The following OGDHL variants were observed in gnomAD, a reference collection of about 807,000 sequenced individuals.
OGDHL encodes the protein 2-oxoglutarate dehydrogenase-like, mitochondrial.
In OGDHL, 79 loss-of-function variants were observed where a neutral mutation model predicts 109.6. The ratio of observed to expected loss-of-function variants is 0.72; its 90% confidence interval spans 0.60 to 0.87. The LOEUF is 0.87. OGDHL is among the 40% of genes least tolerant of loss of function. The probability of loss-of-function intolerance (pLI) is 0.00; values close to 1 mark genes in which losing one functional copy is unlikely to be tolerated. For missense variants in OGDHL, 1,275 were observed against 1,362.2 expected, an observed-to-expected ratio of 0.94 and a Z score of 1.01; for synonymous variants, 528 against 537.2, an observed-to-expected ratio of 0.98 and a Z score of 0.24.
chr10:49,758,042 T>G (rs532018849), intron 2 of OGDHL, among the ~76,000 whole-genome samples: 14 of 152,364 alleles, frequency 9.2e-5, no homozygotes, highest in African/African-American at 3.1e-4. Context: ...TTTTCTTTAC[T>G]ATCAGCAAGT....
In OGDHL at chr10:49,745,991, AG is replaced by A; in HGVS notation, c.1297-15del. 6.2e-7 allele frequency: 1 copy of A among 1,612,648 alleles called. No individual in the cohort carries two copies. The highest frequency in any genetic ancestry group is 8.5e-7 in the Non-Finnish European group (1 of 1,178,888). ...GGTGAATCCAATCTGCAGAGGCAGG[AG>A]AAACCTGCTGCGCCTCTCAATTTAC... On this transcript the variant is annotated splice_polypyrimidine_tract_variant and intron_variant, in intron 10 of 22. Transcript: ENST00000374103.
At chr10:49,742,483 C>CACACA (rs1841842524) in intron 15 of OGDHL, among the ~76,000 whole-genome samples, 1 of 14,202 alleles carries the variant, frequency 7.0e-5, no homozygotes, top group Non-Finnish European at 1.5e-4. Context: ...CTATACACTC[C>CACACA]CCCCACTCAC....
At chr10:49,743,861 G>A (rs1400313809) in intron 14 of OGDHL, 133 bp downstream of exon 14, 17 of 1,126,934 alleles carry the variant, frequency 1.5e-5, no homozygotes, top group African/African-American at 1.6e-5. Flanking sequence ...GGTGCCGAGA[G>A]CTACGTGGAC....
In OGDHL at chr10:49,745,870, C is replaced by T. The variant is rs1210660119; in HGVS notation, c.1404G>A (p.Glu468=). 2 of 1,614,194 alleles carry T rather than the reference C, an allele frequency of 1.2e-6. No homozygotes were observed. Among genetic ancestry groups the T allele is most frequent in the Non-Finnish European group, 1.7e-6 (2 of 1,180,044 alleles). The change falls in exon 11 of 23, where the codon GAG becomes GAA. Residue 468 remains glutamate (E), a synonymous_variant. Coordinates refer to ENST00000374103, the MANE Select transcript of OGDHL (RefSeq NM_018245.3). ...PIFHVNADDP[E]AVIYVCSVAA... Reference sequence around the variant, plus strand: ...CCACACTGCACACATATATCACAGCCTCTGGGTCATCGGCATTCACATGGA... The same window carrying T: ...CCACACTGCACACATATATCACAGCTTCTGGGTCATCGGCATTCACATGGA...
At chr10:49,741,289 C>T (rs745837) in intron 15 of OGDHL, among the ~76,000 whole-genome samples, 58,334 of 152,014 alleles carry the variant, frequency 0.38, 13,661 homozygotes, top group East Asian at 0.87. Context: ...CAGAAACCAC[C>T]GTGCAGTAGC....
intron 13 of OGDHL, 139 bp downstream of exon 13, chr10:49,744,511 C>A: frequency 1.5e-6 from 1 of 679,088 alleles, no homozygotes; most frequent in Non-Finnish European, 2.5e-6. Context: ...CCCCACGCAG[C>A]TTTGGGGACT....
chr10:49,742,363 C>CA (rs1841791484), intron 15 of OGDHL, among the ~76,000 whole-genome samples: 1 of 5,086 alleles, frequency 2.0e-4, no homozygotes, highest in Non-Finnish European at 5.1e-4. Context: ...ACACAACACA[C>CA]CACACACCCA....
At chr10:49,741,634 G>T (rs1362847693) in intron 15 of OGDHL, among the ~76,000 whole-genome samples, 1 of 150,696 alleles carries the variant, frequency 6.6e-6, no homozygotes, top group Non-Finnish European at 1.5e-5. Context: ...CTTAACAGCA[G>T]TACACACACA....
intron 15 of OGDHL, among the ~76,000 whole-genome samples, chr10:49,741,766 A>G (rs1212640111): frequency 6.9e-6 from 1 of 145,298 alleles, no homozygotes; most frequent in Non-Finnish European, 1.5e-5. Flanking sequence ...ACCAAACACC[A>G]CATACACACA....
chr10:49,758,932 C>A (rs1183077923), intron 1 of OGDHL, among the ~76,000 whole-genome samples: 1 of 151,876 alleles, frequency 6.6e-6, no homozygotes, highest in Non-Finnish European at 1.5e-5. Context: ...GGAGCACCCA[C>A]CTAGGTCCTG....
intron 8 of OGDHL, 107 bp from the exon 9 acceptor site, chr10:49,747,315 C>G (rs1263580466): frequency 1.5e-5 from 18 of 1,241,326 alleles, no homozygotes; most frequent in Non-Finnish European, 1.9e-5. Context: ...TTCCCCCGAT[C>G]CCACTGCCTC....
Position 49,756,572 on chromosome 10 carries a change from C to CA in OGDHL, c.375+203dup, listed in dbSNP as rs147624465. 2.1e-3 allele frequency: 1,004 copies of CA among 489,670 alleles called. 1 individual carries two copies. Among genetic ancestry groups the CA allele is most frequent in the African/African-American group, 5.3e-3 (274 of 51,772 alleles). The allele number at this position is 489,670 out of a possible 1,614,324, so 30.3% of individuals were successfully genotyped here. ...CCACAAGGACACAAGTCAGTATGCA[C>CA]AAAAAAAAATTCAAGCAGGTGGTAA... On this transcript the variant is annotated intron_variant, in intron 3 of 22. Coordinates refer to ENST00000374103, the MANE Select transcript of OGDHL (RefSeq NM_018245.3).
intron 3 of OGDHL, 149 bp from the exon 4 acceptor site, chr10:49,752,889 T>A: frequency 1.6e-6 from 1 of 612,474 alleles, no homozygotes; most frequent in Non-Finnish European, 2.9e-6. Flanking sequence ...CACTGCTGCC[T>A]GCGAGACCCC....
Position 49,739,764 on chromosome 10 carries a change from T to C in OGDHL, c.2216A>G (p.Asn739Ser). Residue 739 changes from asparagine to serine, a missense_variant, in exon 17 of 23, where the codon AAC (asparagine) becomes AGC (serine). Asn to Ser is a conservative substitution (Grantham distance 46, BLOSUM62 1). Transcript: ENST00000374103. ...LWEAQFGDFHNTAQCIIDQFI... is the reference protein window; with the variant it reads ...LWEAQFGDFHSTAQCIIDQFI... ...CTGGTCGATGATGCACTGGGCCGTG[T>C]TGTGGAAGTCCCCAAACTGGGCCTC... is the stretch of plus-strand genomic sequence containing the variant. The C allele has an allele frequency of 6.2e-7, 1 of 1,614,126 alleles. No homozygotes were observed. Among genetic ancestry groups the C allele is most frequent in the Non-Finnish European group, 8.5e-7 (1 of 1,179,982 alleles).
At position 49,756,878 on chromosome 10, in the gene OGDHL, A is replaced by AG; in HGVS notation, c.272dup (p.Ser92PhefsTer5). 1 of 1,614,058 alleles carries AG rather than the reference A, an allele frequency of 6.2e-7. No homozygotes were observed. The highest frequency in any genetic ancestry group is 8.5e-7 in the Non-Finnish European group (1 of 1,179,962). On this transcript the variant is annotated frameshift_variant, in exon 3 of 23. Transcript: ENST00000374103. LOFTEE classifies it high-confidence loss of function. The stretch of plus-strand genomic sequence containing the variant: ...CAGACCTGCTCTCATGGACAACAGA[A>AG]GGGGGCCGTGGCTGAGCAGAGCCAG...
chr10:49,739,395 G>C lies in OGDHL; in HGVS notation c.2319+266C>G, dbSNP rs1841465452. 7 of 432,614 alleles carry C rather than the reference G, an allele frequency of 1.6e-5. No homozygotes were observed. In the South Asian group the frequency reaches 3.8e-4, roughly 23 times the overall value. The allele number at this position is 432,614 out of a possible 1,614,324, so 26.8% of individuals were successfully genotyped here. ...CCTACTTCATTAAGTTGTATGGATT[G>C]GAAGAGTTAACATTCAGAAGCATTG... is the stretch of plus-strand genomic sequence containing the variant. On this transcript the variant is annotated intron_variant, in intron 17 of 22. Coordinates refer to ENST00000374103, the MANE Select transcript of OGDHL (RefSeq NM_018245.3).
At chr10:49,755,499 G>A (rs573546848) in intron 3 of OGDHL, among the ~76,000 whole-genome samples, 9 of 152,262 alleles carry the variant, frequency 5.9e-5, no homozygotes, top group African/African-American at 2.2e-4. Context: ...GATGGGTGGT[G>A]GGCTCACTGC....
At chr10:49,751,493 G>T (rs1842585085) in intron 6 of OGDHL, among the ~76,000 whole-genome samples, 1 of 152,206 alleles carries the variant, frequency 6.6e-6, no homozygotes, top group Non-Finnish European at 1.5e-5. Context: ...TGAACAGACA[G>T]GTGGTGTGGC....
At chr10:49,751,517 C>T (rs993921589) in intron 6 of OGDHL, among the ~76,000 whole-genome samples, 4 of 152,220 alleles carry the variant, frequency 2.6e-5, no homozygotes, top group African/African-American at 9.6e-5. Flanking sequence ...AGTCACTCCA[C>T]ACCAGGGATA....
Sources: gnomAD v4.1 joint callset for allele counts (sites outside exome capture counted in the v4.1 genomes callset) on GRCh38, gnomAD v4.1.1 for gene constraint, MANE v1.5 for transcripts, NCBI Gene and HGNC (gene_info 2026-07-23, HGNC 2026-07-21) for gene names.